The following GLIS1 variants were observed in gnomAD, a reference collection of about 807,000 sequenced individuals.
GLIS1 encodes GLIS family zinc finger 1.
GLIS1 carries 24 observed loss-of-function variants against 63.8 expected under a neutral mutation model. That is an observed-to-expected ratio of 0.38 (90% CI 0.27 to 0.53). GLIS1 has a LOEUF of 0.53. GLIS1 is among the 20% of genes least tolerant of loss of function. The probability of loss-of-function intolerance (pLI) is 0.85; values close to 1 mark genes in which losing one functional copy is unlikely to be tolerated. For synonymous variants in GLIS1, 450 were observed against 482.5 expected (o/e 0.93, Z 0.88); for missense variants, 1,036 against 1,074.1 (o/e 0.96, Z 0.50).
chr1:53,569,400 G>T (rs1644963420), intron 4 of GLIS1, among the ~76,000 whole-genome samples: 1 of 152,148 alleles, frequency 6.6e-6, no homozygotes, highest in Admixed American at 6.5e-5. Flanking sequence ...TGTGAGGGCA[G>T]GGGTATAGGG....
intron 2 of GLIS1, among the ~76,000 whole-genome samples, chr1:53,712,407 A>G (rs1646655894): frequency 6.6e-6 from 1 of 152,182 alleles, no homozygotes; most frequent in African/African-American, 2.4e-5. Flanking sequence ...CCTGCTCACC[A>G]TCTAGCAAAG....
At chr1:53,717,238 T>A (rs1229295973) in intron 2 of GLIS1, among the ~76,000 whole-genome samples, 1 of 152,206 alleles carries the variant, frequency 6.6e-6, no homozygotes, top group Non-Finnish European at 1.5e-5. Flanking sequence ...GGCATAATAA[T>A]AATCTCTATC....
At chr1:53,538,656 G>C (rs1557438707) in intron 4 of GLIS1, among the ~76,000 whole-genome samples, 2 of 152,150 alleles carry the variant, frequency 1.3e-5, no homozygotes, top group Non-Finnish European at 2.9e-5. Flanking sequence ...AGGCAAGGGA[G>C]AACAGGACAG....
chr1:53,630,536 C>T (rs1479076678), intron 2 of GLIS1, among the ~76,000 whole-genome samples: 3 of 151,858 alleles, frequency 2.0e-5, no homozygotes, highest in Non-Finnish European at 4.4e-5. Flanking sequence ...CACTCTGTTG[C>T]CCAGGCTGGA....
At chr1:53,680,377 A>C (rs1646261237) in intron 2 of GLIS1, among the ~76,000 whole-genome samples, 1 of 152,202 alleles carries the variant, frequency 6.6e-6, no homozygotes, top group Non-Finnish European at 1.5e-5. Flanking sequence ...GATCTATGCC[A>C]CGAGTGTGGT....
chr1:53,531,051 C>T (rs1644525021), intron 4 of GLIS1, among the ~76,000 whole-genome samples: 1 of 152,204 alleles, frequency 6.6e-6, no homozygotes, highest in Non-Finnish European at 1.5e-5. Context: ...AAGTGACCTG[C>T]CCAAGGTCAC....
intron 4 of GLIS1, among the ~76,000 whole-genome samples, chr1:53,543,713 C>A (rs940777536): frequency 6.6e-6 from 1 of 151,868 alleles, no homozygotes; most frequent in Admixed American, 6.6e-5. Context: ...GCCAGCTGTT[C>A]GGCTCAGAAC....
intron 4 of GLIS1, among the ~76,000 whole-genome samples, chr1:53,573,851 A>G (rs890060774): frequency 1.3e-5 from 2 of 152,216 alleles, no homozygotes; most frequent in Admixed American, 1.3e-4. Context: ...GGCTCCGGCT[A>G]ATGCTGGAGA....
intron 2 of GLIS1, among the ~76,000 whole-genome samples, chr1:53,622,912 T>G (rs1273169386): frequency 6.6e-6 from 1 of 152,254 alleles, no homozygotes; most frequent in Non-Finnish European, 1.5e-5. Flanking sequence ...TTTAAAAAAA[T>G]TATTCTTTGC....
intron 2 of GLIS1, among the ~76,000 whole-genome samples, chr1:53,699,200 G>A (rs567081328): frequency 6.6e-6 from 1 of 152,166 alleles, no homozygotes; most frequent in East Asian, 1.9e-4. Flanking sequence ...GAGTAGCTGG[G>A]ACTACAGGCA....
Position 53,566,795 on chromosome 1 carries a change from C to T in GLIS1, c.1320+27313G>A, listed in dbSNP as rs181237456. ...ACATGCTTGCTTCCCCTTCACCTTC[C>T]GCCATGATTCCAAGTTTCCTGAGGC... is the stretch of plus-strand genomic sequence containing the variant. On this transcript the variant is annotated intron_variant, in intron 4 of 10. Transcript: ENST00000628545. 2.0e-4 allele frequency among the ~76,000 whole-genome samples: 30 copies of T among 152,290 alleles called. 1 individual carries two copies. Among genetic ancestry groups the T allele is most frequent in the Non-Finnish European group, 3.4e-4 (23 of 68,010 alleles).
chr1:53,689,504 C>G (rs74897075), intron 2 of GLIS1, among the ~76,000 whole-genome samples: 1,703 of 152,224 alleles, frequency 0.011, 25 homozygotes, highest in African/African-American at 0.039. Flanking sequence ...GCCGGCCAGA[C>G]CAGAGCAAGT....
chr1:53,637,673 G>A (rs55932050), intron 2 of GLIS1, among the ~76,000 whole-genome samples: 14,740 of 152,138 alleles, frequency 0.097, 911 homozygotes, highest in South Asian at 0.24. Context: ...CAGGGCCTAG[G>A]CTGCCCTAGG....
chr1:53,558,272 C>CTGA (rs1345738304), intron 4 of GLIS1, among the ~76,000 whole-genome samples: 2 of 152,232 alleles, frequency 1.3e-5, no homozygotes, highest in Non-Finnish European at 2.9e-5. Context: ...AAGGGTCATG[C>CTGA]TGAGAGTCAG....
At chr1:53,695,054 A>C (rs1361055524) in intron 2 of GLIS1, among the ~76,000 whole-genome samples, 2 of 151,808 alleles carry the variant, frequency 1.3e-5, no homozygotes, top group Non-Finnish European at 2.9e-5. Flanking sequence ...GTCAATGAAA[A>C]CATTACAATC....
intron 2 of GLIS1, among the ~76,000 whole-genome samples, chr1:53,737,215 A>G (rs1646920710): frequency 6.6e-6 from 1 of 152,220 alleles, no homozygotes; most frequent in Admixed American, 6.5e-5. Flanking sequence ...CTTGCCAAGG[A>G]GCTTGTGACC....
chr1:53,736,553 C>A (rs905628799), intron 2 of GLIS1, among the ~76,000 whole-genome samples: 1 of 152,144 alleles, frequency 6.6e-6, no homozygotes, highest in Non-Finnish European at 1.5e-5. Context: ...GTAAAAGAGA[C>A]CTCATATGTG....
chr1:53,710,204 G>A (rs945865392), intron 2 of GLIS1, among the ~76,000 whole-genome samples: 1 of 152,186 alleles, frequency 6.6e-6, no homozygotes, highest in Non-Finnish European at 1.5e-5. Flanking sequence ...ATCTCTGGGG[G>A]GCTTTCCGAA....
chr1:53,666,828 G>C (rs1335257918), intron 2 of GLIS1, among the ~76,000 whole-genome samples: 1 of 152,070 alleles, frequency 6.6e-6, no homozygotes, highest in Admixed American at 6.5e-5. Flanking sequence ...ACTCTGCTGT[G>C]CTCCTAATGC....
Sources: allele counts gnomAD v4.1 joint callset (sites outside exome capture counted in the v4.1 genomes callset), GRCh38; gene constraint gnomAD v4.1.1; transcripts MANE v1.5; gene names NCBI Gene and HGNC (gene_info 2026-07-23, HGNC 2026-07-21).